COL20A1: variants seen among roughly 807,000 people sequenced by gnomAD.
COL20A1 encodes collagen alpha-1(XX) chain.
Under a neutral mutation model 152.9 loss-of-function variants are expected in COL20A1, and 164 were observed. The observed-to-expected ratio is 1.07, with a 90% CI of 0.94 to 1.22. COL20A1 has a LOEUF of 1.22. Among genes scored for constraint, COL20A1 ranks in the 50% most tolerant of loss-of-function variants. COL20A1 has a pLI of 0.00. For missense variants in COL20A1, 1,873 were observed against 1,744.8 expected (o/e 1.07, Z -1.31); for synonymous variants, 864 against 756.0 (o/e 1.14, Z -2.34).
At chr20:63,301,899 TTAA>T (rs2067867114) in intron 3 of COL20A1, among the ~76,000 whole-genome samples, 2 of 152,234 alleles carry the variant, frequency 1.3e-5, no homozygotes, top group African/African-American at 4.8e-5. Flanking sequence ...TTTAATGAAA[TTAA>T]TGATACATTT....
At position 63,312,907 on chromosome 20, in the gene COL20A1, G is replaced by C. The variant is rs760121359; in HGVS notation, c.2049G>C (p.Thr683=). The part of the protein sequence containing the change: ...SGVLVYQITW[T]PLGEGKAHEI... ...TGCTTGTCTACCAGATCACGTGGAC[G>C]CCCCTGGGAGAGGGGAAGGCTCACG... The change falls in exon 16 of 36, where the codon ACG becomes ACC. Residue 683 remains threonine (T), a synonymous_variant. Coordinates refer to ENST00000358894, the MANE Select transcript of COL20A1 (RefSeq NM_020882.4). 38 of 1,555,114 alleles carry C rather than the reference G, an allele frequency of 2.4e-5. No homozygotes were observed. Among genetic ancestry groups the C allele is most frequent in the Non-Finnish European group, 3.2e-5 (37 of 1,148,924 alleles).
At chr20:63,315,303 A>G in intron 19 of COL20A1, 101 bp from the exon 20 acceptor site, 3 of 1,165,320 alleles carry the variant, frequency 2.6e-6, no homozygotes, top group Non-Finnish European at 1.2e-6. Context: ...GATGGAGCAC[A>G]GGCTGGGGCA....
At chr20:63,295,632 GGCGACA>G (rs1436354290) in intron 2 of COL20A1, among the ~76,000 whole-genome samples, 8 of 152,154 alleles carry the variant, frequency 5.3e-5, no homozygotes, top group Admixed American at 3.9e-4. Context: ...CGCATCCCTG[GGCGACA>G]GCACCACGTC....
At chr20:63,308,172 T>C in intron 7 of COL20A1, 82 bp downstream of exon 7, 1 of 1,527,110 alleles carries the variant, frequency 6.5e-7, no homozygotes, top group Non-Finnish European at 8.9e-7. Flanking sequence ...AGCTTGTGTG[T>C]AAATCGAGCT....
In COL20A1 at chr20:63,313,019, G is replaced by C; in HGVS notation, c.2076+85G>C. On this transcript the variant is annotated intron_variant, in intron 16 of 35. Transcript: ENST00000358894. This position sits in a 1 kb window ranked among gnomAD's most constrained non-coding sequence, Gnocchi z 5.9. ...CAAAGTCTAGGGCTCAGAGCCATAT[G>C]TGCGCCCACCCTGTCTCCCAGGGAT... 10 of 1,539,880 alleles carry C rather than the reference G, an allele frequency of 6.5e-6. No individual in the cohort carries two copies. The highest frequency in any genetic ancestry group is 8.8e-6 in the Non-Finnish European group (10 of 1,138,426).
Position 63,313,111 on chromosome 20 carries a change from C to T in COL20A1, c.2077-6C>T. On this transcript the variant is annotated splice_polypyrimidine_tract_variant and splice_region_variant and intron_variant, in intron 16 of 35. Transcript: ENST00000358894. This position sits in a 1 kb window ranked among gnomAD's most constrained non-coding sequence, Gnocchi z 5.9. Reference sequence around the variant, plus strand: ...CCGGTGACCCCTGGGGCTCTCCTCTCCCTAGATCTCTGTCCCAGGGAACCT... The same window carrying T: ...CCGGTGACCCCTGGGGCTCTCCTCTTCCTAGATCTCTGTCCCAGGGAACCT... 4.4e-6 allele frequency: 7 copies of T among 1,605,104 alleles called. No individual in the cohort carries two copies. The highest frequency in any genetic ancestry group is 5.9e-6 in the Non-Finnish European group (7 of 1,176,586).
At chr20:63,309,263 A>AC in intron 8 of COL20A1, 70 bp from the exon 9 acceptor site, 1 of 1,227,214 alleles carries the variant, frequency 8.1e-7, no homozygotes. Context: ...CTCCATGGAG[A>AC]CCCCCACCGC....
In COL20A1 at chr20:63,321,016, G is replaced by T. The variant is rs1188665063; in HGVS notation, c.3157G>T (p.Asp1053Tyr). Residue 1053 changes from aspartate to tyrosine, a missense_variant, in exon 26 of 36, where the codon GAT (aspartate) becomes TAT (tyrosine). Physicochemically the swap from Asp to Tyr is radical, Grantham distance 160 (BLOSUM62 -3). Coordinates refer to ENST00000358894, the MANE Select transcript of COL20A1 (RefSeq NM_020882.4). The part of the protein sequence containing the change: ...DRCCELPASR[D>Y]GETCPAFVSA... ...GGCAGGGTCTCTCTTCTTCCAGAGG[G>T]ATGGAGAGACCTGCCCCGCCTTCGT... 1 of 1,576,030 alleles carries T rather than the reference G, an allele frequency of 6.3e-7. No homozygotes were observed. Among genetic ancestry groups the T allele is most frequent in the African/African-American group, 1.4e-5 (1 of 73,864 alleles).
intron 21 of COL20A1, among the ~76,000 whole-genome samples, chr20:63,317,703 C>T (rs1417866739): frequency 6.6e-6 from 1 of 152,048 alleles, no homozygotes; most frequent in Non-Finnish European, 1.5e-5. Context: ...CCCCGGCTTC[C>T]CTCACCATCC....
intron 5 of COL20A1, 78 bp from the exon 6 acceptor site, chr20:63,307,412 G>A (rs1392632900): frequency 4.3e-6 from 6 of 1,392,402 alleles, no homozygotes; most frequent in Non-Finnish European, 5.9e-6. Context: ...TGTGGCTGGA[G>A]CCCCGGGGTA....
chr20:63,314,347 G>T, intron 19 of COL20A1, 146 bp downstream of exon 19: 1 of 688,098 alleles, frequency 1.5e-6, no homozygotes, highest in Admixed American at 2.8e-5. Flanking sequence ...GGCAGGCAGG[G>T]GTCCTGGGTG....
Position 63,315,500 on chromosome 20 carries a change from G to A in COL20A1, c.2524+61G>A, listed in dbSNP as rs374008673. On this transcript the variant is annotated intron_variant, in intron 20 of 35. Transcript: ENST00000358894. ...ACAGTCTCTCGGGCTCTTCCTGGGC[G>A]TGGGGGCCAAGGGTGTCGTGACCTG... 1.1e-4 allele frequency: 158 copies of A among 1,450,296 alleles called. 1 individual carries two copies. The highest frequency in any genetic ancestry group is 1.0e-3 in the East Asian group (40 of 40,032). 89.8% of individuals were successfully genotyped at this position (1,450,296 alleles called of 1,614,324 possible).
At chr20:63,315,966 T>C (rs76279601) in intron 20 of COL20A1, among the ~76,000 whole-genome samples, 11,524 of 152,232 alleles carry the variant, frequency 0.076, 510 homozygotes, top group Middle Eastern at 0.11. Flanking sequence ...CAATTAGTGC[T>C]GGAAAGGAGC....
Position 63,312,540 on chromosome 20 carries a change from G to T in COL20A1, c.1924G>T (p.Val642Leu). 5 of 1,583,142 alleles carry T rather than the reference G, an allele frequency of 3.2e-6. No individual in the cohort carries two copies. The highest frequency in any genetic ancestry group is 3.4e-6 in the Non-Finnish European group (4 of 1,168,388). The change falls in exon 15 of 36, where the codon GTG becomes TTG. Residue 642 changes from valine (V) to leucine (L), a missense_variant. By Grantham distance (32) the Val-to-Leu change is conservative (BLOSUM62 1). Coordinates refer to ENST00000358894, the MANE Select transcript of COL20A1 (RefSeq NM_020882.4). ...GGGSSTLTGR[V>L]TTKKAPSPSQ... ...TGGCTCCTCTACGCTGACTGGCCGG[G>T]TGACCACCAGTGAGTGGGGAGAGGC... is the stretch of plus-strand genomic sequence containing the variant.
chr20:63,294,912 A>G, intron 1 of COL20A1, 186 bp from the exon 2 acceptor site: 1 of 551,142 alleles, frequency 1.8e-6, no homozygotes, highest in Non-Finnish European at 3.2e-6. Flanking sequence ...CTTGAGTTTT[A>G]GGCAGCTGGG....
rs2068359435 is a variant in COL20A1, at chr20:63,333,623, T to C, written c.*2907T>C. 1 of 152,142 alleles carries C rather than the reference T, an allele frequency of 6.6e-6. No homozygotes were observed. Among genetic ancestry groups the C allele is most frequent in the Non-Finnish European group, 1.5e-5 (1 of 68,040 alleles). The allele number at this position is 152,142 out of a possible 1,614,324, so 9.4% of individuals were successfully genotyped here. A position where few individuals can be genotyped will look rare whatever the true frequency, so the allele number is the denominator to read the frequency against. ...TGGGAAGAACGGCTCAGTGATGAGCTCAGAGGGAGGGGTGGGCACAGCGCC... is the reference window on the plus strand; with the variant it reads ...TGGGAAGAACGGCTCAGTGATGAGCCCAGAGGGAGGGGTGGGCACAGCGCC... On this transcript the variant is annotated 3_prime_UTR_variant, in exon 36 of 36. Transcript: ENST00000358894.
intron 21 of COL20A1, among the ~76,000 whole-genome samples, 159 bp from the exon 22 acceptor site, chr20:63,318,899 T>C (rs2068118896): frequency 6.6e-6 from 1 of 151,920 alleles, no homozygotes; most frequent in African/African-American, 2.4e-5. Context: ...ACGCTCAGTC[T>C]ACAGCTGGGA....
At chr20:63,329,179 A>C in intron 34 of COL20A1, 1 of 204,194 alleles carries the variant, frequency 4.9e-6, no homozygotes, top group African/African-American at 2.4e-5. Context: ...ACTGGGGGCA[A>C]CCTGGGGGGA....
Position 63,311,595 on chromosome 20 carries a change from G to C in COL20A1, c.1540-30G>C, listed in dbSNP as rs773742439. On this transcript the variant is annotated intron_variant, in intron 12 of 35. Coordinates refer to ENST00000358894, the MANE Select transcript of COL20A1 (RefSeq NM_020882.4). The surrounding 1 kb of genome is among the most constrained non-coding windows in gnomAD (Gnocchi z 4.4). ...CAGAGGAGTGGGGCAGAGCGAGTGG[G>C]GGCTGGCCTGGGACGTCATGTCTCT... 6.2e-7 allele frequency: 1 copy of C among 1,610,534 alleles called. No homozygotes were observed. Among genetic ancestry groups the C allele is most frequent in the South Asian group, 1.1e-5 (1 of 90,924 alleles).
Sources: gnomAD v4.1 joint callset for allele counts (sites outside exome capture counted in the v4.1 genomes callset) on GRCh38, gnomAD v4.1.1 for gene constraint, Gnocchi (gnomAD v3.1) non-coding constraint, MANE v1.5 for transcripts, NCBI Gene and HGNC (gene_info 2026-07-23, HGNC 2026-07-21) for gene names.